The following MKX variants were observed in gnomAD, a reference collection of about 807,000 sequenced individuals.
The protein encoded by MKX is homeobox protein Mohawk.
A neutral mutation model predicts 36.0 loss-of-function variants in MKX; 13 were observed. The ratio of observed to expected loss-of-function variants is 0.36; its 90% CI spans 0.24 to 0.57. The LOEUF (loss-of-function observed/expected upper bound fraction) is 0.57, where lower values mean the gene tolerates loss of function less well. Among genes scored for constraint, MKX ranks in the 20% least tolerant of loss-of-function variants. MKX has a pLI of 0.79. For missense variants in MKX, 458 were observed against 456.4 expected (o/e 1.00, Z -0.03); for synonymous variants, 176 against 178.3 (o/e 0.99, Z 0.10).
intron 5 of MKX, among the ~76,000 whole-genome samples, chr10:27,694,523 A>AT (rs1224819296): frequency 2.8e-3 from 87 of 31,166 alleles, no homozygotes; most frequent in African/African-American, 7.1e-3. Flanking sequence ...TACTAAAAAA[A>AT]AAAAATATAT....
chr10:27,693,010 G>C (rs555833379), intron 5 of MKX, among the ~76,000 whole-genome samples: 16 of 152,336 alleles, frequency 1.1e-4, no homozygotes, highest in African/African-American at 3.8e-4. Flanking sequence ...ATGGAGGATA[G>C]AGAGGATCCT....
At chr10:27,683,927 C>T (rs1686257061) in intron 5 of MKX, among the ~76,000 whole-genome samples, 2 of 152,240 alleles carry the variant, frequency 1.3e-5, no homozygotes, top group Admixed American at 6.5e-5. Context: ...CAGTCTCCAT[C>T]TCTACTTCTC....
intron 4 of MKX, 47 bp downstream of exon 4, chr10:27,735,174 G>T (rs772092632): frequency 1.3e-6 from 2 of 1,494,272 alleles, no homozygotes; most frequent in Non-Finnish European, 1.8e-6. Flanking sequence ...TGGTGAACTT[G>T]CTAATAGAGG....
chr10:27,743,861 C>T (rs1002601256), intron 1 of MKX, among the ~76,000 whole-genome samples: 4 of 152,182 alleles, frequency 2.6e-5, no homozygotes, highest in Admixed American at 6.5e-5. Context: ...GGAGCGCGAC[C>T]GGCGTGAGGC....
chr10:27,704,533 T>C (rs984597134), intron 5 of MKX, among the ~76,000 whole-genome samples: 1 of 151,894 alleles, frequency 6.6e-6, no homozygotes, highest in African/African-American at 2.4e-5. Flanking sequence ...GAAAAATTAA[T>C]AGAAGAGAAT....
chr10:27,686,035 T>C (rs2132501125), intron 5 of MKX, among the ~76,000 whole-genome samples: 1 of 152,294 alleles, frequency 6.6e-6, no homozygotes, highest in South Asian at 2.1e-4. Context: ...CTGACCAAAG[T>C]GAGTTTTACT....
At chr10:27,711,487 C>CTTTT (rs1564356983) in intron 5 of MKX, among the ~76,000 whole-genome samples, 5 of 55,122 alleles carry the variant, frequency 9.1e-5, no homozygotes, top group African/African-American at 4.0e-4. Context: ...TTCTTTCTCT[C>CTTTT]TCTCTCTCTT....
rs141504613 is a variant in MKX at position 27,703,861 on chromosome 10, T to C, written c.839-28307A>G. Among the ~76,000 whole-genome samples, 298 of 152,134 alleles carry C rather than the reference T, an allele frequency of 2.0e-3. 1 individual carries two copies. The highest frequency in any genetic ancestry group is 6.8e-3 in the African/African-American group (283 of 41,518). On this transcript the variant is annotated intron_variant, in intron 5 of 6. Coordinates refer to ENST00000419761, the MANE Select transcript of MKX (RefSeq NM_173576.3). Reference sequence around the variant, plus strand: ...GTTTCAGTGAGCCCAGATTGTACCATTGCCCTCCAGCCTGGGCAACAGAGC... The same window carrying C: ...GTTTCAGTGAGCCCAGATTGTACCACTGCCCTCCAGCCTGGGCAACAGAGC...
chr10:27,700,872 T>A (rs1441980000), intron 5 of MKX, among the ~76,000 whole-genome samples: 1 of 152,200 alleles, frequency 6.6e-6, no homozygotes, highest in Non-Finnish European at 1.5e-5. Context: ...TAATAAAATG[T>A]TTTCCCCTAC....
At chr10:27,691,551 A>C (rs1036956091) in intron 5 of MKX, among the ~76,000 whole-genome samples, 1 of 152,086 alleles carries the variant, frequency 6.6e-6, no homozygotes, top group African/African-American at 2.4e-5. Flanking sequence ...TTTTTTTTGT[A>C]ATAATTTCAA....
chr10:27,695,879 G>A (rs1397395168), intron 5 of MKX, among the ~76,000 whole-genome samples: 2 of 152,214 alleles, frequency 1.3e-5, no homozygotes, highest in African/African-American at 4.8e-5. Context: ...CTGGAAGCAT[G>A]TATCAAAAGG....
intron 5 of MKX, among the ~76,000 whole-genome samples, chr10:27,684,802 C>T (rs146299722): frequency 1.9e-3 from 294 of 152,260 alleles, no homozygotes; most frequent in African/African-American, 6.7e-3. Context: ...TTCCACAGAC[C>T]GGGGAGCGGG....
chr10:27,703,814 C>T (rs538306832), intron 5 of MKX, among the ~76,000 whole-genome samples: 46 of 152,166 alleles, frequency 3.0e-4, no homozygotes, highest in Non-Finnish European at 5.7e-4. Flanking sequence ...GCAGGAGAAT[C>T]GCTTGAACCC....
chr10:27,733,203 T>C (rs1834671672), intron 5 of MKX, among the ~76,000 whole-genome samples: 1 of 152,226 alleles, frequency 6.6e-6, no homozygotes. Flanking sequence ...GATTTAAGTC[T>C]TTAGAAATGT....
In MKX at chr10:27,675,140, G is replaced by T; in HGVS notation, c.*89C>A. On this transcript the variant is annotated 3_prime_UTR_variant, in exon 7 of 7. Transcript: ENST00000419761. ...AAAATAAGAAGAGGTTTGGGAGAGA[G>T]TCATTTTCATCCCTGCTTCGGCTCT... is the stretch of plus-strand genomic sequence containing the variant. The T allele has an allele frequency of 7.9e-7, 1 of 1,265,226 alleles. No individual in the cohort carries two copies. Among genetic ancestry groups the T allele is most frequent in the Non-Finnish European group, 1.1e-6 (1 of 907,006 alleles). 78.4% of individuals were successfully genotyped at this position (1,265,226 alleles called of 1,614,324 possible). A position where few individuals can be genotyped will look rare whatever the true frequency, so the allele number is the denominator to read the frequency against.
intron 5 of MKX, among the ~76,000 whole-genome samples, chr10:27,687,956 C>T (rs117567369): frequency 0.011 from 1,740 of 152,240 alleles, 10 homozygotes; most frequent in Non-Finnish European, 0.019. Context: ...GGTCAGAGTC[C>T]AGACTCTAGA....
chr10:27,678,516 T>C (rs868179220), intron 5 of MKX, among the ~76,000 whole-genome samples: 7 of 152,222 alleles, frequency 4.6e-5, no homozygotes, highest in African/African-American at 1.4e-4. Flanking sequence ...CCATCTCACA[T>C]AGGCGAAGGA....
chr10:27,735,624 G>C (rs918074925), intron 3 of MKX, among the ~76,000 whole-genome samples: 1 of 152,094 alleles, frequency 6.6e-6, no homozygotes, highest in African/African-American at 2.4e-5. Context: ...AATTTAATAA[G>C]AGAAAAGTCC....
chr10:27,703,030 GTCAGCAAAGGAATTTGCTCATCGTTCA>G (rs2132529640), intron 5 of MKX, among the ~76,000 whole-genome samples: 1 of 152,252 alleles, frequency 6.6e-6, no homozygotes, highest in African/African-American at 2.4e-5. Flanking sequence ...TTGGTTAAAT[GTCAGCAAAGGAATTTGCTCATCGTTCA>G]AAAAACACTT....
Sources: allele counts gnomAD v4.1 joint callset (sites outside exome capture counted in the v4.1 genomes callset), GRCh38; gene constraint gnomAD v4.1.1; transcripts MANE v1.5; gene names NCBI Gene and HGNC (gene_info 2026-07-23, HGNC 2026-07-21).